Variants in EEFSEC observed in about 807,000 individuals in gnomAD.
EEFSEC encodes the protein eukaryotic elongation factor, selenocysteine-tRNA specific.
A neutral mutation model predicts 42.1 loss-of-function variants in EEFSEC; 43 were observed. The observed-to-expected ratio is 1.02, with a 90% confidence interval of 0.80 to 1.32. EEFSEC has a LOEUF of 1.32. Among genes scored for constraint, EEFSEC ranks in the 40% most tolerant of loss-of-function variants. The probability of loss-of-function intolerance (pLI) is 0.00; values close to 1 mark genes in which losing one functional copy is unlikely to be tolerated. For missense variants in EEFSEC, 745 were observed against 803.6 expected, an observed-to-expected ratio of 0.93 and a Z score of 0.88; for synonymous variants, 354 against 339.1, an observed-to-expected ratio of 1.04 and a Z score of -0.48.
chr3:128,262,166 C>G lies in EEFSEC; in HGVS notation c.563C>G (p.Pro188Arg), dbSNP rs764296859. The G allele has an allele frequency of 6.2e-7, 1 of 1,614,106 alleles. No homozygotes were observed. The highest frequency in any genetic ancestry group is 8.5e-7 in the Non-Finnish European group (1 of 1,180,010). The change falls in exon 3 of 7, where the codon CCG (proline) becomes CGG (arginine). Residue 188 changes from proline (P) to arginine (R), a missense_variant. Physicochemically the swap from Pro to Arg is moderately radical, Grantham distance 103. Transcript: ENST00000254730. ...CCGATTATACCCGTGGCGGCCAAGC[C>G]GGGGGGACCAGAGGCCCCCGAAACT... Reference protein sequence around the residue: ...GAPIIPVAAKPGGPEAPETEA... With the variant: ...GAPIIPVAAKRGGPEAPETEA...
intron 6 of EEFSEC, among the ~76,000 whole-genome samples, chr3:128,392,728 C>G (rs1204544046): frequency 6.6e-6 from 1 of 152,238 alleles, no homozygotes; most frequent in Non-Finnish European, 1.5e-5. Context: ...CCGCCTCACC[C>G]CTGAGCCTAC....
At chr3:128,274,361 G>A (rs770429070) in intron 4 of EEFSEC, among the ~76,000 whole-genome samples, 3 of 152,248 alleles carry the variant, frequency 2.0e-5, no homozygotes, top group Non-Finnish European at 2.9e-5. Context: ...GAGCACGCAC[G>A]CATGTGGGCG....
intron 1 of EEFSEC, among the ~76,000 whole-genome samples, chr3:128,178,610 T>G (rs2065374931): frequency 6.6e-6 from 1 of 152,220 alleles, no homozygotes; most frequent in African/African-American, 2.4e-5. Flanking sequence ...TTTGTTTTTT[T>G]TCTATTAAAC....
intron 1 of EEFSEC, among the ~76,000 whole-genome samples, chr3:128,196,023 G>A (rs571515661): frequency 1.3e-5 from 2 of 152,250 alleles, no homozygotes; most frequent in Non-Finnish European, 2.9e-5. Flanking sequence ...CCTGCAAAAC[G>A]GGGCCCTTGT....
chr3:128,262,810 T>C (rs562103826), intron 3 of EEFSEC, among the ~76,000 whole-genome samples: 1 of 152,200 alleles, frequency 6.6e-6, no homozygotes, highest in South Asian at 2.1e-4. Context: ...AGGAAGGGTG[T>C]GTGTGGGTGC....
chr3:128,274,175 C>T (rs2066443120), intron 4 of EEFSEC, among the ~76,000 whole-genome samples: 1 of 152,232 alleles, frequency 6.6e-6, no homozygotes. Context: ...AAAGAAGTGA[C>T]AGCAGGGCTT....
At chr3:128,253,017 G>C (rs1193565302) in intron 2 of EEFSEC, among the ~76,000 whole-genome samples, 1 of 152,198 alleles carries the variant, frequency 6.6e-6, no homozygotes, top group African/African-American at 2.4e-5. Context: ...ATGGAGCTGG[G>C]TCTCCCTTGT....
intron 1 of EEFSEC, among the ~76,000 whole-genome samples, chr3:128,219,144 CTTTGGTG>C (rs1259597539): frequency 7.2e-5 from 11 of 152,244 alleles, no homozygotes; most frequent in Non-Finnish European, 1.5e-4. Flanking sequence ...AGGCAGTGTG[CTTTGGTG>C]CAGTGGTACC....
chr3:128,374,029 G>C (rs557745948), intron 6 of EEFSEC, among the ~76,000 whole-genome samples: 1 of 152,282 alleles, frequency 6.6e-6, no homozygotes, highest in East Asian at 1.9e-4. Flanking sequence ...ATTAGACCTG[G>C]ACCAGCCCCG....
At chr3:128,252,400 C>T (rs1203797571) in intron 2 of EEFSEC, among the ~76,000 whole-genome samples, 1 of 152,146 alleles carries the variant, frequency 6.6e-6, no homozygotes, top group Non-Finnish European at 1.5e-5. Context: ...AGTCTCATAG[C>T]GTTTAATATG....
chr3:128,265,298 C>T (rs2066342712), intron 4 of EEFSEC, among the ~76,000 whole-genome samples: 1 of 152,160 alleles, frequency 6.6e-6, no homozygotes, highest in Non-Finnish European at 1.5e-5. Flanking sequence ...GTTTTGCACT[C>T]CTGGTGGCCA....
intron 6 of EEFSEC, among the ~76,000 whole-genome samples, chr3:128,371,448 T>C (rs1301124149): frequency 6.6e-6 from 1 of 152,166 alleles, no homozygotes; most frequent in Non-Finnish European, 1.5e-5. Context: ...GTTGCAGCAA[T>C]GAAAAACTTC....
chr3:128,241,201 C>CTCTTT (rs761624698), intron 1 of EEFSEC, among the ~76,000 whole-genome samples: 2 of 80,658 alleles, frequency 2.5e-5, no homozygotes, highest in East Asian at 4.4e-4. Context: ...CTCTCTCTCT[C>CTCTTT]TTTTTTTTTT....
intron 1 of EEFSEC, among the ~76,000 whole-genome samples, chr3:128,198,073 G>C (rs1031157486): frequency 6.6e-6 from 1 of 152,272 alleles, no homozygotes; most frequent in East Asian, 1.9e-4. Flanking sequence ...AAGACTTTCT[G>C]AATGTACTGT....
At chr3:128,245,696 A>G (rs1306225212) in intron 1 of EEFSEC, among the ~76,000 whole-genome samples, 1 of 152,162 alleles carries the variant, frequency 6.6e-6, no homozygotes, top group Non-Finnish European at 1.5e-5. Flanking sequence ...TGTCTTCGAT[A>G]CTAGTTGGCT....
chr3:128,363,952 G>A (rs1044982901), intron 6 of EEFSEC, among the ~76,000 whole-genome samples: 1 of 152,128 alleles, frequency 6.6e-6, no homozygotes, highest in Non-Finnish European at 1.5e-5. Context: ...GACTCCCTCA[G>A]AAGCTGCTGC....
chr3:128,270,621 CA>C (rs2066403734), intron 4 of EEFSEC, among the ~76,000 whole-genome samples: 1 of 152,216 alleles, frequency 6.6e-6, no homozygotes, highest in Non-Finnish European at 1.5e-5. Flanking sequence ...AAGCTAATCA[CA>C]AGGGTGAGAT....
intron 4 of EEFSEC, among the ~76,000 whole-genome samples, chr3:128,267,976 C>T (rs2066372632): frequency 6.6e-6 from 1 of 152,192 alleles, no homozygotes; most frequent in Non-Finnish European, 1.5e-5. Context: ...TGGGATTCTA[C>T]AGACAAGAAA....
intron 4 of EEFSEC, among the ~76,000 whole-genome samples, chr3:128,289,016 G>T (rs1343472541): frequency 6.6e-6 from 1 of 152,188 alleles, no homozygotes; most frequent in East Asian, 1.9e-4. Context: ...CGCTATCTCT[G>T]ATCAGAGTCT....
Sources: allele counts gnomAD v4.1 joint callset (sites outside exome capture counted in the v4.1 genomes callset), GRCh38; gene constraint gnomAD v4.1.1; transcripts MANE v1.5; gene names NCBI Gene and HGNC (gene_info 2026-07-23, HGNC 2026-07-21).